Variants in CNNM2 observed in about 807,000 individuals in gnomAD.
CNNM2 encodes cyclin and CBS domain divalent metal cation transport mediator 2.
Under a neutral mutation model 66.9 loss-of-function variants are expected in CNNM2, and 12 were observed. The ratio of observed to expected loss-of-function variants is 0.18; its 90% CI spans 0.11 to 0.29. The LOEUF is 0.29. Among genes scored for constraint, CNNM2 ranks in the 10% least tolerant of loss-of-function variants. The pLI is 1.00. For synonymous variants in CNNM2, 557 were observed against 501.8 expected (o/e 1.11, Z -1.47); for missense variants, 705 against 1,167.7 (o/e 0.60, Z 5.77).
intron 1 of CNNM2, among the ~76,000 whole-genome samples, chr10:103,012,583 G>A (rs1672944279): frequency 2.0e-5 from 3 of 151,874 alleles, no homozygotes; most frequent in Admixed American, 1.3e-4. Context: ...GGGAGGCGAA[G>A]GTTGCAGTGA....
chr10:102,949,369 T>G (rs1846740770), intron 1 of CNNM2, among the ~76,000 whole-genome samples: 1 of 150,522 alleles, frequency 6.6e-6, no homozygotes, highest in Admixed American at 6.6e-5. Context: ...GAGAAGGGGT[T>G]TCTCCATGTT....
chr10:102,938,021 G>A (rs1330781219), intron 1 of CNNM2, among the ~76,000 whole-genome samples: 2 of 151,880 alleles, frequency 1.3e-5, no homozygotes, highest in African/African-American at 4.8e-5. Context: ...ACAATGTGTG[G>A]GGCGCAGTGA....
chr10:103,012,724 A>G (rs1229299228), intron 1 of CNNM2, among the ~76,000 whole-genome samples: 1 of 147,664 alleles, frequency 6.8e-6, no homozygotes. Context: ...TTTCATTTTC[A>G]GTATATAGTT....
In CNNM2 at chr10:103,048,997, T is replaced by C. The variant is rs59456600; in HGVS notation, c.1622-710T>C. ...AGGAAGCTGGGACTGTAGGCCTGCA[T>C]GTCCAGCTACTTTTTCTGTTTATTT... On this transcript the variant is annotated intron_variant, in intron 1 of 7. Transcript: ENST00000369878. Among the ~76,000 whole-genome samples, 2,502 of 152,192 alleles carry C rather than the reference T, an allele frequency of 0.016. 71 individuals are homozygous for C. Among genetic ancestry groups the C allele is most frequent in the African/African-American group, 0.056 (2,331 of 41,512 alleles).
chr10:103,058,138 C>G (rs1039481413), intron 4 of CNNM2, among the ~76,000 whole-genome samples: 2 of 152,250 alleles, frequency 1.3e-5, no homozygotes, highest in Non-Finnish European at 2.9e-5. Context: ...ATGTCACATT[C>G]TTACAGTCCT....
chr10:102,969,328 C>T lies in CNNM2; in HGVS notation c.1621+49227C>T, dbSNP rs189112146. Among the ~76,000 whole-genome samples, 6 of 152,216 alleles carry T rather than the reference C, an allele frequency of 3.9e-5. No homozygotes were observed. The East Asian group carries it at 1.2e-3, about 29-fold the overall frequency. On this transcript the variant is annotated intron_variant, in intron 1 of 7. Transcript: ENST00000369878. ...TCTGGGGTTCAAACGATTCTCCTGC[C>T]TCAGCCTCCCGAGTAGCTAGAATTA...
At chr10:103,071,353 T>C (rs1392230129) in intron 5 of CNNM2, among the ~76,000 whole-genome samples, 1 of 152,186 alleles carries the variant, frequency 6.6e-6, no homozygotes, top group Non-Finnish European at 1.5e-5. Flanking sequence ...GTTGCACAGA[T>C]GGGGAGCTGT....
At position 102,925,296 on chromosome 10, in the gene CNNM2, C is replaced by CAAAA. The variant is rs10624810; in HGVS notation, c.1621+5222_1621+5225dup. Among the ~76,000 whole-genome samples, 59 of 17,748 alleles carry CAAAA rather than the reference C, an allele frequency of 3.3e-3. 7 individuals are homozygous for CAAAA. Among genetic ancestry groups the CAAAA allele is most frequent in the East Asian group, 0.014 (8 of 552 alleles). The allele number at this position is 17,748 out of a possible 152,430, so 11.6% of individuals were successfully genotyped here. A position where few individuals can be genotyped will look rare whatever the true frequency, so the allele number is the denominator to read the frequency against. On this transcript the variant is annotated intron_variant, in intron 1 of 7. Coordinates refer to ENST00000369878, the MANE Select transcript of CNNM2 (RefSeq NM_017649.5). ...GGGCAACAAGAGCGAAACTCCATCT[C>CAAAA]AAAAAAAAAAAAAAAAAAAAAAAAA...
intron 1 of CNNM2, among the ~76,000 whole-genome samples, chr10:102,935,604 A>ATTTT (rs773569776): frequency 7.8e-5 from 11 of 140,758 alleles, no homozygotes; most frequent in Non-Finnish European, 1.5e-4. Flanking sequence ...TTTAAAAAAA[A>ATTTT]ATTTTTTTTT....
At chr10:102,953,832 A>G (rs1489007766) in intron 1 of CNNM2, among the ~76,000 whole-genome samples, 2 of 152,138 alleles carry the variant, frequency 1.3e-5, no homozygotes, top group Non-Finnish European at 1.5e-5. Flanking sequence ...AAATGCTGGG[A>G]TTACAGGCAT....
At chr10:103,043,217 G>A (rs1052776707) in intron 1 of CNNM2, among the ~76,000 whole-genome samples, 6 of 152,088 alleles carry the variant, frequency 3.9e-5, no homozygotes, top group African/African-American at 1.2e-4. Context: ...TGGCATTTTA[G>A]GACCCCACAG....
intron 4 of CNNM2, among the ~76,000 whole-genome samples, chr10:103,067,596 T>C (rs1487586263): frequency 6.6e-6 from 1 of 152,200 alleles, no homozygotes; most frequent in East Asian, 1.9e-4. Flanking sequence ...AACAAGAGCA[T>C]TTCTGACCCT....
At position 103,044,551 on chromosome 10, in the gene CNNM2, G is replaced by GA. The variant is rs34595667; in HGVS notation, c.1622-5142dup. On this transcript the variant is annotated intron_variant, in intron 1 of 7. Transcript: ENST00000369878. ...AGCCAGGGAGTGAGACCCTGTCTCA[G>GA]AAAAAAAAAAAAAAGTTGTTTACAT... Among the ~76,000 whole-genome samples, 186 of 143,678 alleles carry GA rather than the reference G, an allele frequency of 1.3e-3. 1 individual carries two copies. The highest frequency in any genetic ancestry group is 2.8e-3 in the East Asian group (14 of 4,970). The allele number at this position is 143,678 out of a possible 152,430, so 94.3% of individuals were successfully genotyped here.
At chr10:103,022,771 A>C (rs920728725) in intron 1 of CNNM2, among the ~76,000 whole-genome samples, 26 of 152,202 alleles carry the variant, frequency 1.7e-4, no homozygotes, top group African/African-American at 6.3e-4. Flanking sequence ...TGCAGGCTGT[A>C]CAGGAAGCAT....
At chr10:102,961,785 G>A (rs1254799665) in intron 1 of CNNM2, among the ~76,000 whole-genome samples, 1 of 152,088 alleles carries the variant, frequency 6.6e-6, no homozygotes, top group African/African-American at 2.4e-5. Context: ...AGGAGGCTGG[G>A]TGCAGTGGCT....
intron 1 of CNNM2, among the ~76,000 whole-genome samples, chr10:102,954,567 G>A (rs1269194522): frequency 6.6e-6 from 1 of 152,142 alleles, no homozygotes; most frequent in Non-Finnish European, 1.5e-5. Flanking sequence ...TGTATGCAGT[G>A]CACAATGCTG....
intron 1 of CNNM2, among the ~76,000 whole-genome samples, chr10:102,927,987 G>A (rs1326072334): frequency 6.6e-6 from 1 of 152,120 alleles, no homozygotes; most frequent in Non-Finnish European, 1.5e-5. Flanking sequence ...CACATGCTGT[G>A]GGGAGGATAG....
At chr10:103,013,279 T>A (rs901994304) in intron 1 of CNNM2, among the ~76,000 whole-genome samples, 5 of 152,186 alleles carry the variant, frequency 3.3e-5, no homozygotes, top group Non-Finnish European at 5.9e-5. Context: ...GTTTTGTGAT[T>A]TATAAAATGG....
chr10:103,087,115 T>C lies in CNNM2; in HGVS notation c.*9935T>C. 1 of 146,066 alleles carries C rather than the reference T, an allele frequency of 6.8e-6. No homozygotes were observed. Among genetic ancestry groups the C allele is most frequent in the Admixed American group, 7.2e-5 (1 of 13,958 alleles). The allele number at this position is 146,066 out of a possible 1,614,324, so 9.0% of individuals were successfully genotyped here. ...TCTCAAAAGAAGTGGCAGAATGGTC[T>C]TCTCACGGTATAAAACTCCGCAGGA... is the stretch of plus-strand genomic sequence containing the variant. On this transcript the variant is annotated 3_prime_UTR_variant, in exon 8 of 8. Coordinates refer to ENST00000369878, the MANE Select transcript of CNNM2 (RefSeq NM_017649.5).
Sources: allele counts gnomAD v4.1 joint callset (sites outside exome capture counted in the v4.1 genomes callset), GRCh38; gene constraint gnomAD v4.1.1; transcripts MANE v1.5; gene names NCBI Gene and HGNC (gene_info 2026-07-23, HGNC 2026-07-21).